Variants in AKAP11 observed in about 807,000 individuals in gnomAD.
The protein encoded by AKAP11 is A-kinase anchor protein 11.
AKAP11 carries 36 observed loss-of-function variants against 146.1 expected under a neutral mutation model. The ratio of observed to expected loss-of-function variants is 0.25; its 90% CI spans 0.19 to 0.33. The LOEUF (loss-of-function observed/expected upper bound fraction) is 0.33. Among genes scored for constraint, AKAP11 ranks in the 10% least tolerant of loss-of-function variants. The pLI is 1.00. For missense variants in AKAP11, 2,201 were observed against 2,197.0 expected, an observed-to-expected ratio of 1.00 and a Z score of -0.04; for synonymous variants, 780 against 786.5, an observed-to-expected ratio of 0.99 and a Z score of 0.14.
rs1424735169 is a variant in AKAP11 at position 42,308,519 on chromosome 13, T to C, written c.5183T>C (p.Ile1728Thr). 6.2e-7 allele frequency: 1 copy of C among 1,613,362 alleles called. No homozygotes were observed. Among genetic ancestry groups the C allele is most frequent in the Non-Finnish European group, 8.5e-7 (1 of 1,179,420 alleles). ...AGTAGCCAGCAGATGAACCTCAGTATTGGTGATGACAGCACTGGTAGCTGG... is the reference window on the plus strand; with the variant it reads ...AGTAGCCAGCAGATGAACCTCAGTACTGGTGATGACAGCACTGGTAGCTGG... ...SVSSQQMNLS[I>T]GDDSTGSWSN... Residue 1728 changes from isoleucine (I) to threonine (T), a missense_variant, in exon 9 of 13, where the codon ATT (isoleucine) becomes ACT (threonine). This residue lies in a region of AKAP11 where 1,867 missense variants were observed against 1,833.5 expected (regional missense o/e 1.02). Transcript: ENST00000025301.
chr13:42,303,615 T>C lies in AKAP11; in HGVS notation c.4869T>C (p.Phe1623=), dbSNP rs201849831. ...ASSKPASNPK[F]SSRYQKSRIF... is the part of the protein sequence containing the mutation. ...GTAAGCCAGCTTCTAATCCAAAATT[T>C]AGCAGCCGCTATCAGAAATCTAGGA... Residue 1623 remains phenylalanine, a synonymous_variant, in exon 8 of 13, where the codon TTT becomes TTC. Coordinates refer to ENST00000025301, the MANE Select transcript of AKAP11 (RefSeq NM_016248.4). 9.9e-6 allele frequency: 16 copies of C among 1,614,080 alleles called. No homozygotes were observed. In the South Asian group the frequency reaches 1.3e-4, roughly 13 times the overall value.
At chr13:42,313,206 G>A in intron 10 of AKAP11, 76 bp downstream of exon 10, 3 of 1,081,364 alleles carry the variant, frequency 2.8e-6, no homozygotes, top group Non-Finnish European at 4.1e-6. Flanking sequence ...TTCAAAGAAT[G>A]TGGGTTACAG....
intron 9 of AKAP11, among the ~76,000 whole-genome samples, chr13:42,311,510 C>G (rs755383297): frequency 2.0e-5 from 3 of 151,868 alleles, no homozygotes; most frequent in Non-Finnish European, 4.4e-5. Flanking sequence ...TGAAGAATGA[C>G]TTCAAATACC....
At chr13:42,312,333 G>A (rs1594357339) in intron 9 of AKAP11, among the ~76,000 whole-genome samples, 2 of 152,090 alleles carry the variant, frequency 1.3e-5, no homozygotes, top group African/African-American at 2.4e-5. Flanking sequence ...AGTTGATTAG[G>A]TAGTGTAAGA....
At chr13:42,271,690 G>C (rs80206240), upstream of AKAP11, among the ~76,000 whole-genome samples, 1 of 152,164 alleles carries the variant, frequency 6.6e-6, no homozygotes. Flanking sequence ...GCCAAGGCCT[G>C]GGGACTTGCC....
At position 42,313,029 on chromosome 13, in the gene AKAP11, C is replaced by T. The variant is rs761875872; in HGVS notation, c.5274-18C>T. 12 of 1,606,314 alleles carry T rather than the reference C, an allele frequency of 7.5e-6. No homozygotes were observed. In the African/African-American group the frequency reaches 1.6e-4, roughly 22 times the overall value. On this transcript the variant is annotated intron_variant, in intron 9 of 12. Coordinates refer to ENST00000025301, the MANE Select transcript of AKAP11 (RefSeq NM_016248.4). ...ATTCATTTTCTAGTTCAGCTCTGTT[C>T]TTTTCTTCCTCTGGCAGTAATGGTA...
chr13:42,313,322 C>G (rs966499160), intron 10 of AKAP11, among the ~76,000 whole-genome samples, 192 bp downstream of exon 10: 1 of 152,188 alleles, frequency 6.6e-6, no homozygotes, highest in Admixed American at 6.5e-5. Flanking sequence ...TGACTGACAT[C>G]TAATTGCAAA....
At chr13:42,286,489 A>T in intron 3 of AKAP11, 90 bp downstream of exon 3, 3 of 920,600 alleles carry the variant, frequency 3.3e-6, no homozygotes, top group Middle Eastern at 5.5e-4. Context: ...TGTTTTGTTT[A>T]AATGAATCTT....
chr13:42,302,701 A>T lies in AKAP11; in HGVS notation c.3955A>T (p.Ile1319Phe). The T allele has an allele frequency of 6.2e-7, 1 of 1,614,142 alleles. No individual in the cohort carries two copies. Among genetic ancestry groups the T allele is most frequent in the Non-Finnish European group, 8.5e-7 (1 of 1,180,020 alleles). ...GCACCCAAGAGAAGTGGATCCGTTT[A>T]TTCTTTCATTACCACCAAGTTCTTG... is the stretch of plus-strand genomic sequence containing the variant. ...VVHPREVDPF[I>F]LSLPPSSCMS... The change falls in exon 8 of 13, where the codon ATT becomes TTT. Residue 1319 changes from isoleucine to phenylalanine, a missense_variant. This residue lies in a region of AKAP11 where 1,867 missense variants were observed against 1,833.5 expected (regional missense o/e 1.02). Transcript: ENST00000025301.
At chr13:42,304,533 T>A (rs1960149670) in intron 8 of AKAP11, among the ~76,000 whole-genome samples, 1 of 152,220 alleles carries the variant, frequency 6.6e-6, no homozygotes, top group African/African-American at 2.4e-5. Flanking sequence ...TATTACTATA[T>A]TAATTTACTA....
At position 42,317,578 on chromosome 13, in the gene AKAP11, C is replaced by T. The variant is rs914173911; in HGVS notation, c.5455C>T (p.Pro1819Ser). The T allele has an allele frequency of 3.1e-6, 5 of 1,613,972 alleles. No homozygotes were observed. Among genetic ancestry groups the T allele is most frequent in the Admixed American group, 1.7e-5 (1 of 59,992 alleles). Residue 1819 changes from proline (P) to serine (S), a missense_variant, in exon 12 of 13, where the codon CCA (proline) becomes TCA (serine). Physicochemically the swap from Pro to Ser is moderately conservative, Grantham distance 74. Transcript: ENST00000025301. ...TLLITNIDME[P>S]CTVDPQLRII... The stretch of plus-strand genomic sequence containing the variant: ...GCTAATTACGAATATTGACATGGAG[C>T]CATGCACGGTAGACCCCCAGCTAAG...
At chr13:42,305,214 T>G (rs1960189047) in intron 8 of AKAP11, among the ~76,000 whole-genome samples, 1 of 152,228 alleles carries the variant, frequency 6.6e-6, no homozygotes, top group African/African-American at 2.4e-5. Context: ...GGAATTTAAT[T>G]GAGTCACATG....
At position 42,319,671 on chromosome 13, in the gene AKAP11, T is replaced by A. The variant is rs1035971277; in HGVS notation, c.*443T>A. 6.6e-6 allele frequency: 1 copy of A among 152,192 alleles called. No individual in the cohort carries two copies. Among genetic ancestry groups the A allele is most frequent in the African/African-American group, 2.4e-5 (1 of 41,092 alleles). The allele number at this position is 152,192 out of a possible 1,614,324, so 9.4% of individuals were successfully genotyped here. On this transcript the variant is annotated 3_prime_UTR_variant, in exon 13 of 13. Transcript: ENST00000025301. Reference sequence around the variant, plus strand: ...CTAGTCTGACATCAGAAAATAAAATTGAGGCTGATTTTTAAAAATTTCTAG... The same window carrying A: ...CTAGTCTGACATCAGAAAATAAAATAGAGGCTGATTTTTAAAAATTTCTAG...
intron 3 of AKAP11, among the ~76,000 whole-genome samples, chr13:42,289,081 C>A (rs1002619011): frequency 6.6e-6 from 1 of 152,112 alleles, no homozygotes; most frequent in Non-Finnish European, 1.5e-5. Flanking sequence ...TGATACTTGG[C>A]TGTGTGCAAA....
chr13:42,277,942 G>A (rs564489291), intron 1 of AKAP11, among the ~76,000 whole-genome samples: 2 of 152,226 alleles, frequency 1.3e-5, no homozygotes, highest in South Asian at 4.1e-4. Flanking sequence ...AGGCACTGTA[G>A]TCTAAAGTGC....
At chr13:42,308,309 CAAA>C (rs1960379538) in intron 8 of AKAP11, 142 bp from the exon 9 acceptor site, 2 of 639,184 alleles carry the variant, frequency 3.1e-6, no homozygotes, top group African/African-American at 3.6e-5. Context: ...TTGGCAGACT[CAAA>C]TAAAGGATTA....
intron 8 of AKAP11, among the ~76,000 whole-genome samples, chr13:42,306,429 T>G (rs1289407360): frequency 6.6e-6 from 1 of 152,190 alleles, no homozygotes; most frequent in African/African-American, 2.4e-5. Context: ...CCTTTGTTAT[T>G]GATTTTCTCA....
intron 9 of AKAP11, among the ~76,000 whole-genome samples, chr13:42,309,854 G>A (rs1309257666): frequency 2.0e-5 from 3 of 152,176 alleles, no homozygotes; most frequent in South Asian, 2.1e-4. Flanking sequence ...GCGTTAAAAT[G>A]GGAGATTGAG....
chr13:42,286,493 G>A (rs1959167435), intron 3 of AKAP11, 94 bp downstream of exon 3: 5 of 883,668 alleles, frequency 5.7e-6, no homozygotes, highest in Middle Eastern at 5.8e-4. Context: ...TTGTTTAAAT[G>A]AATCTTATTA....
Sources: allele counts gnomAD v4.1 joint callset (sites outside exome capture counted in the v4.1 genomes callset), GRCh38; gene constraint gnomAD v4.1.1; regional missense constraint gnomAD v4.1.1; transcripts MANE v1.5; gene names NCBI Gene and HGNC (gene_info 2026-07-23, HGNC 2026-07-21).